The following NELL1 variants were observed in gnomAD, a reference collection of about 807,000 sequenced individuals.
The protein encoded by NELL1 is neural EGFL like 1, also known as protein kinase C-binding protein NELL1.
Under a neutral mutation model 107.4 loss-of-function variants are expected in NELL1, and 76 were observed. The ratio of observed to expected loss-of-function variants is 0.71; its 90% confidence interval spans 0.59 to 0.86. The LOEUF (loss-of-function observed/expected upper bound fraction) is 0.86, where lower values mean the gene tolerates loss of function less well. Among genes scored for constraint, NELL1 ranks in the 40% least tolerant of loss-of-function variants. The pLI, the probability that NELL1 is intolerant of heterozygous loss-of-function variation, is 0.00. For synonymous variants in NELL1, 353 were observed against 341.2 expected (o/e 1.03, Z -0.38); for missense variants, 1,024 against 1,005.5 (o/e 1.02, Z -0.25).
At chr11:21,045,985 C>G (rs1359551072) in intron 12 of NELL1, among the ~76,000 whole-genome samples, 1 of 152,044 alleles carries the variant, frequency 6.6e-6, no homozygotes, top group Non-Finnish European at 1.5e-5. Context: ...TTATCTTTTT[C>G]CATTGTATTT....
At chr11:21,492,871 T>C (rs946914171) in intron 15 of NELL1, among the ~76,000 whole-genome samples, 1 of 152,008 alleles carries the variant, frequency 6.6e-6, no homozygotes. Context: ...ATTGTGCACA[T>C]GTACCCTAAA....
At chr11:20,898,604 C>T (rs1171896671) in intron 5 of NELL1, among the ~76,000 whole-genome samples, 2 of 151,012 alleles carry the variant, frequency 1.3e-5, no homozygotes, top group Non-Finnish European at 3.0e-5. Flanking sequence ...ACCACATCCA[C>T]GTCAACATCT....
intron 9 of NELL1, among the ~76,000 whole-genome samples, chr11:20,929,031 C>T (rs1349176015): frequency 6.6e-6 from 1 of 152,190 alleles, no homozygotes; most frequent in East Asian, 1.9e-4. Flanking sequence ...TTAGTGAATT[C>T]TCACAGCAAC....
intron 14 of NELL1, among the ~76,000 whole-genome samples, chr11:21,238,631 A>G (rs555325642): frequency 6.6e-6 from 1 of 152,180 alleles, no homozygotes; most frequent in African/African-American, 2.4e-5. Flanking sequence ...ATGGGAAACA[A>G]AAAGTATTCA....
rs116277365 is a variant in NELL1 at position 20,732,294 on chromosome 11, A to G, written c.185-51386A>G. The stretch of plus-strand genomic sequence containing the variant: ...TGAATCTGAATAAATGGGAGAGAAT[A>G]TTTGAGTTCCTCCTGTGTTAAGCTC... On this transcript the variant is annotated intron_variant, in intron 2 of 19. Transcript: ENST00000357134. Among the ~76,000 whole-genome samples, 1,162 of 152,158 alleles carry G rather than the reference A, an allele frequency of 7.6e-3. 14 individuals carry two copies. Among genetic ancestry groups the G allele is most frequent in the African/African-American group, 0.027 (1,109 of 41,506 alleles).
intron 15 of NELL1, among the ~76,000 whole-genome samples, chr11:21,493,082 A>C (rs1253268910): frequency 6.6e-6 from 1 of 152,110 alleles, no homozygotes; most frequent in Non-Finnish European, 1.5e-5. Context: ...AAAAAGACAA[A>C]AAGCAACAGA....
At chr11:20,988,423 ATG>A (rs1851897184) in intron 12 of NELL1, among the ~76,000 whole-genome samples, 1 of 126,108 alleles carries the variant, frequency 7.9e-6, no homozygotes, top group Non-Finnish European at 1.7e-5. Flanking sequence ...ACATGTACAT[ATG>A]TGTGTATATA....
intron 13 of NELL1, among the ~76,000 whole-genome samples, chr11:21,178,763 TAAA>T (rs35795109): frequency 4.9e-5 from 7 of 143,698 alleles, no homozygotes; most frequent in Admixed American, 3.5e-4. Flanking sequence ...GAACTTGTCT[TAAA>T]AAAAAAAAAA....
At chr11:21,455,393 A>G (rs568752768) in intron 15 of NELL1, among the ~76,000 whole-genome samples, 7 of 142,282 alleles carry the variant, frequency 4.9e-5, no homozygotes, top group African/African-American at 1.1e-4. Context: ...GTGTGTTGGC[A>G]TGGTCATGAC....
intron 4 of NELL1, among the ~76,000 whole-genome samples, chr11:20,866,202 G>A (rs1849092773): frequency 6.6e-6 from 1 of 152,212 alleles, no homozygotes; most frequent in South Asian, 2.1e-4. Context: ...TGAGGCTAGA[G>A]CATTCAGGTC....
chr11:20,887,005 C>A (rs184682376), intron 5 of NELL1, among the ~76,000 whole-genome samples: 34 of 152,232 alleles, frequency 2.2e-4, no homozygotes, highest in African/African-American at 7.9e-4. Flanking sequence ...TTGTATTAAA[C>A]CCTTCTCCTC....
intron 2 of NELL1, among the ~76,000 whole-genome samples, chr11:20,699,606 C>T (rs1268724479): frequency 6.6e-6 from 1 of 152,160 alleles, no homozygotes; most frequent in Non-Finnish European, 1.5e-5. Context: ...GATCTGCCCA[C>T]CTTGGCCTCC....
At chr11:20,822,792 C>A (rs443495) in intron 3 of NELL1, among the ~76,000 whole-genome samples, 152,288 of 152,302 alleles carry the variant, frequency 1, 76,137 homozygotes, top group Non-Finnish European at 1. Context: ...TTGGAGAGAA[C>A]GCTGGAAGAT....
intron 15 of NELL1, among the ~76,000 whole-genome samples, chr11:21,502,415 T>G (rs1855165979): frequency 6.6e-6 from 1 of 152,166 alleles, no homozygotes; most frequent in African/African-American, 2.4e-5. Context: ...ACAATTTTGG[T>G]GTTTGCATTT....
intron 12 of NELL1, among the ~76,000 whole-genome samples, chr11:20,985,349 C>A (rs1228536709): frequency 6.6e-6 from 1 of 152,150 alleles, no homozygotes; most frequent in African/African-American, 2.4e-5. Context: ...AGTTAGTACT[C>A]AATAAAATAT....
chr11:21,152,729 A>G (rs1332919857), intron 13 of NELL1, among the ~76,000 whole-genome samples: 1 of 152,186 alleles, frequency 6.6e-6, no homozygotes, highest in Non-Finnish European at 1.5e-5. Context: ...AAACAAAAAT[A>G]TACATATAGA....
In NELL1 at chr11:21,417,013, A is replaced by C. The variant is rs143889866; in HGVS notation, c.1645+46065A>C. 7.2e-3 allele frequency among the ~76,000 whole-genome samples: 1,101 copies of C among 152,176 alleles called. 14 individuals are homozygous for C. Among genetic ancestry groups the C allele is most frequent in the African/African-American group, 0.021 (880 of 41,530 alleles). On this transcript the variant is annotated intron_variant, in intron 15 of 19. Coordinates refer to ENST00000357134, the MANE Select transcript of NELL1 (RefSeq NM_006157.5). ...GTACAAAATTAAATAATTTGCCCGA[A>C]GTCCACAACTGGTGTCAGTGGGGAC... is the stretch of plus-strand genomic sequence containing the variant.
At chr11:21,282,709 A>T (rs1565146932) in intron 14 of NELL1, among the ~76,000 whole-genome samples, 1 of 152,142 alleles carries the variant, frequency 6.6e-6, no homozygotes, top group East Asian at 1.9e-4. Context: ...TGCATAGAAA[A>T]TATATGTGTA....
intron 12 of NELL1, among the ~76,000 whole-genome samples, chr11:21,032,054 A>ATAG (rs1410364724): frequency 7.0e-6 from 1 of 142,376 alleles, no homozygotes; most frequent in Non-Finnish European, 1.5e-5. Context: ...CAAAATAATA[A>ATAG]TAATAATAAT....
Sources: gnomAD v4.1 joint callset for allele counts (sites outside exome capture counted in the v4.1 genomes callset) on GRCh38, gnomAD v4.1.1 for gene constraint, MANE v1.5 for transcripts, NCBI Gene and HGNC (gene_info 2026-07-23, HGNC 2026-07-21) for gene names.